ABCB1: variants seen among roughly 807,000 people sequenced by gnomAD.
ABCB1 encodes ATP-dependent translocase ABCB1.
In ABCB1, 69 loss-of-function variants were observed where a neutral mutation model predicts 142.0. That is an observed-to-expected ratio of 0.49 (90% CI 0.40 to 0.59). ABCB1 has a LOEUF of 0.59. Among genes scored for constraint, ABCB1 ranks in the 20% least tolerant of loss-of-function variants. ABCB1 has a pLI of 0.00. For missense variants in ABCB1, 1,326 were observed against 1,554.7 expected, an observed-to-expected ratio of 0.85 and a Z score of 2.47; for synonymous variants, 532 against 539.2, an observed-to-expected ratio of 0.99 and a Z score of 0.18.
intron 1 of ABCB1, among the ~76,000 whole-genome samples, chr7:87,672,258 C>G (rs1585058709): frequency 6.6e-6 from 1 of 152,218 alleles, no homozygotes; most frequent in African/African-American, 2.4e-5. Context: ...AAGTAGCAGT[C>G]TAGCCACATT....
At chr7:87,550,362 T>G in intron 11 of ABCB1, 66 bp from the exon 12 acceptor site, 1 of 1,611,660 alleles carries the variant, frequency 6.2e-7, no homozygotes, top group Non-Finnish European at 8.5e-7. Flanking sequence ...GAACTGACTG[T>G]TCACTAGGTT....
chr7:87,665,909 A>G (rs1244530925), intron 1 of ABCB1, among the ~76,000 whole-genome samples: 1 of 152,098 alleles, frequency 6.6e-6, no homozygotes, highest in Non-Finnish European at 1.5e-5. Context: ...TCCATGGCAT[A>G]TATGTATCAC....
chr7:87,580,783 G>A (rs1044736219), intron 4 of ABCB1, among the ~76,000 whole-genome samples: 1 of 151,798 alleles, frequency 6.6e-6, no homozygotes, highest in Admixed American at 6.6e-5. Context: ...CAAATAGCCT[G>A]TCTTCAAGCT....
chr7:87,510,217 A>G (rs1220251289), intron 25 of ABCB1, among the ~76,000 whole-genome samples: 13 of 152,218 alleles, frequency 8.5e-5, no homozygotes, highest in Admixed American at 8.5e-4. Context: ...TTATTCTTAA[A>G]TCTCCATTTT....
chr7:87,659,900 A>G (rs1450783114), intron 1 of ABCB1, among the ~76,000 whole-genome samples: 1 of 152,160 alleles, frequency 6.6e-6, no homozygotes, highest in Non-Finnish European at 1.5e-5. Context: ...TTTAATGTGA[A>G]GAATTACATC....
chr7:87,638,394 C>G, intron 1 of ABCB1, among the ~76,000 whole-genome samples: 1 of 146,310 alleles, frequency 6.8e-6, no homozygotes, highest in African/African-American at 2.6e-5. Context: ...CTCCCCTGTT[C>G]TGTAGAAAAG....
intron 9 of ABCB1, among the ~76,000 whole-genome samples, chr7:87,551,237 G>A (rs111641618): frequency 6.6e-6 from 1 of 151,860 alleles, no homozygotes. Context: ...GTCCCAGCCT[G>A]GTCTCCTGGC....
chr7:87,629,143 G>A (rs1820940044), intron 1 of ABCB1: 2 of 439,006 alleles, frequency 4.6e-6, no homozygotes, highest in Non-Finnish European at 7.7e-6. Context: ...CCTGGACTTT[G>A]TGTCAGTTCC....
intron 26 of ABCB1, among the ~76,000 whole-genome samples, chr7:87,509,027 T>C (rs1469523994): frequency 6.6e-6 from 1 of 152,180 alleles, no homozygotes; most frequent in Non-Finnish European, 1.5e-5. Flanking sequence ...ATCCCAGAAA[T>C]GTTCCTCTCT....
intron 7 of ABCB1, among the ~76,000 whole-genome samples, chr7:87,563,014 T>C (rs932758304): frequency 1.3e-5 from 2 of 152,132 alleles, no homozygotes; most frequent in Non-Finnish European, 2.9e-5. Flanking sequence ...AAGGATCCCA[T>C]CAGAGAATAT....
Position 87,566,919 on chromosome 7 carries a change from C to G in ABCB1, c.396G>C (p.Gln132His). The change falls in exon 6 of 28, where the codon CAG becomes CAC. Residue 132 changes from glutamine (Q) to histidine (H), a missense_variant. Transcript: ENST00000622132. ...CAGCTGCCAGGCACCAAAATGAAAC[C>G]TGAATGTAAGCAGCAACCAGCACCC... ...GAGVLVAAYI[Q>H]VSFWCLAAGR... 6.2e-7 allele frequency: 1 copy of G among 1,614,070 alleles called. No homozygotes were observed.
At chr7:87,687,791 G>T (rs1827613599) in intron 1 of ABCB1, among the ~76,000 whole-genome samples, 1 of 152,056 alleles carries the variant, frequency 6.6e-6, no homozygotes, top group Non-Finnish European at 1.5e-5. Flanking sequence ...AGGAACTCTG[G>T]CTTGAACCTC....
chr7:87,578,633 A>C (rs1220927551), intron 4 of ABCB1, among the ~76,000 whole-genome samples: 1 of 151,368 alleles, frequency 6.6e-6, no homozygotes, highest in East Asian at 1.9e-4. Flanking sequence ...TCATTTATTG[A>C]GTAAAAGTTA....
intron 3 of ABCB1, among the ~76,000 whole-genome samples, chr7:87,594,634 G>T (rs1819122309): frequency 6.6e-6 from 1 of 152,146 alleles, no homozygotes; most frequent in Non-Finnish European, 1.5e-5. Context: ...CTGTCACTTG[G>T]TTACTCAAGT....
chr7:87,522,560 A>G, intron 21 of ABCB1: 2 of 449,936 alleles, frequency 4.4e-6, no homozygotes, highest in Admixed American at 5.2e-5. Flanking sequence ...TTAGACAAAT[A>G]CTCATGTGTA....
At chr7:87,608,783 A>G (rs1001613610) in intron 1 of ABCB1, among the ~76,000 whole-genome samples, 2 of 152,236 alleles carry the variant, frequency 1.3e-5, no homozygotes, top group African/African-American at 4.8e-5. Flanking sequence ...TTATTTCTTT[A>G]GAACACTTAG....
chr7:87,612,697 T>C (rs1819894751), intron 1 of ABCB1, among the ~76,000 whole-genome samples: 1 of 152,234 alleles, frequency 6.6e-6, no homozygotes, highest in Non-Finnish European at 1.5e-5. Context: ...TGTAATGTGA[T>C]GCTTCCAGAT....
chr7:87,633,093 A>G (rs1821391734), intron 1 of ABCB1, among the ~76,000 whole-genome samples: 1 of 152,208 alleles, frequency 6.6e-6, no homozygotes, highest in African/African-American at 2.4e-5. Flanking sequence ...ATTATTTCAA[A>G]TTACATTAGC....
intron 8 of ABCB1, among the ~76,000 whole-genome samples, chr7:87,555,725 T>C (rs1343718352): frequency 6.6e-6 from 1 of 152,096 alleles, no homozygotes; most frequent in Non-Finnish European, 1.5e-5. Flanking sequence ...TATATACACA[T>C]ATGCACACAC....
Sources: gnomAD v4.1 joint callset for allele counts (sites outside exome capture counted in the v4.1 genomes callset) on GRCh38, gnomAD v4.1.1 for gene constraint, MANE v1.5 for transcripts, NCBI Gene and HGNC (gene_info 2026-07-23, HGNC 2026-07-21) for gene names.